Variants in PPP2R2C observed in about 807,000 individuals in gnomAD.
PPP2R2C encodes protein phosphatase 2 regulatory subunit Bgamma.
A neutral mutation model predicts 45.3 loss-of-function variants in PPP2R2C; 10 were observed. The observed-to-expected ratio is 0.22, with a 90% CI of 0.14 to 0.37. The LOEUF is 0.37. PPP2R2C is among the 10% of genes least tolerant of loss of function. The probability of loss-of-function intolerance (pLI) is 1.00; values close to 1 mark genes in which losing one functional copy is unlikely to be tolerated. For synonymous variants in PPP2R2C, 257 were observed against 245.4 expected, an observed-to-expected ratio of 1.05 and a Z score of -0.44; for missense variants, 308 against 619.7, an observed-to-expected ratio of 0.50 and a Z score of 5.34.
intron 1 of PPP2R2C, among the ~76,000 whole-genome samples, chr4:6,438,181 A>G (rs781643912): frequency 1.6e-4 from 25 of 152,244 alleles, no homozygotes; most frequent in Non-Finnish European, 3.1e-4. Context: ...TCACCATCGT[A>G]CAGTTACTAT....
At chr4:6,457,603 G>A (rs1577198030) in intron 1 of PPP2R2C, among the ~76,000 whole-genome samples, 2 of 151,948 alleles carry the variant, frequency 1.3e-5, no homozygotes, top group Admixed American at 6.6e-5. Flanking sequence ...CGAACTCCTG[G>A]GCTCAAGCGA....
chr4:6,531,861 G>A (rs1161591888), intron 2 of PPP2R2C, among the ~76,000 whole-genome samples: 2 of 152,176 alleles, frequency 1.3e-5, no homozygotes, highest in African/African-American at 2.4e-5. Context: ...CAGCAGAGCC[G>A]GTGGCCCAGG....
intron 1 of PPP2R2C, among the ~76,000 whole-genome samples, chr4:6,425,224 A>G (rs1719217926): frequency 6.6e-6 from 1 of 151,658 alleles, no homozygotes; most frequent in African/African-American, 2.4e-5. Context: ...TTCCCTATCC[A>G]CCTGTCGGCC....
At chr4:6,384,118 T>C in intron 1 of PPP2R2C, 1 of 985,110 alleles carries the variant, frequency 1.0e-6, no homozygotes, top group Non-Finnish European at 1.2e-6. Flanking sequence ...TGTCCTGACA[T>C]TGTCCCTCCG....
At chr4:6,366,083 A>C (rs1465504780) in intron 5 of PPP2R2C, among the ~76,000 whole-genome samples, 1 of 152,254 alleles carries the variant, frequency 6.6e-6, no homozygotes, top group Non-Finnish European at 1.5e-5. Flanking sequence ...GGATTTTATG[A>C]GAACCAATCT....
chr4:6,358,519 C>CAAA (rs74576376), intron 5 of PPP2R2C, among the ~76,000 whole-genome samples: 36 of 132,752 alleles, frequency 2.7e-4, no homozygotes, highest in Middle Eastern at 3.7e-3. Flanking sequence ...TTCTGCACAG[C>CAAA]AAAAAAAAAA....
Position 6,393,622 on chromosome 4 carries a change from C to T in PPP2R2C, c.71-12528G>A, listed in dbSNP as rs553506083. On this transcript the variant is annotated intron_variant, in intron 1 of 8. Coordinates refer to ENST00000382599, the MANE Select transcript of PPP2R2C (RefSeq NM_020416.4). The stretch of plus-strand genomic sequence containing the variant: ...CTGCTACTGCAGGAGCCAGACCCAG[C>T]GTGGAAGGCCACTGCCCCTCCCATG... Among the ~76,000 whole-genome samples, 20 of 152,308 alleles carry T rather than the reference C, an allele frequency of 1.3e-4. No individual in the cohort carries two copies. The East Asian group carries it at 2.9e-3, about 22-fold the overall frequency.
chr4:6,512,853 A>T (rs1723714045), intron 2 of PPP2R2C, among the ~76,000 whole-genome samples: 1 of 151,984 alleles, frequency 6.6e-6, no homozygotes, highest in Non-Finnish European at 1.5e-5. Context: ...TGTAGGTTTC[A>T]GTTCAATTCA....
intron 2 of PPP2R2C, among the ~76,000 whole-genome samples, chr4:6,511,314 G>T (rs1005947628): frequency 1.3e-4 from 20 of 152,138 alleles, no homozygotes; most frequent in Admixed American, 1.2e-3. Context: ...TGATGGTATT[G>T]ATGGTGGTGA....
intron 2 of PPP2R2C, among the ~76,000 whole-genome samples, chr4:6,484,992 C>T (rs1242237178): frequency 6.6e-6 from 1 of 151,732 alleles, no homozygotes; most frequent in East Asian, 1.9e-4. Context: ...TGCCTTCTCC[C>T]AGTCTTAGGG....
At chr4:6,512,524 G>GTGGTGA (rs1723673863) in intron 2 of PPP2R2C, among the ~76,000 whole-genome samples, 9 of 105,162 alleles carry the variant, frequency 8.6e-5, no homozygotes, top group African/African-American at 2.5e-4. Context: ...GGTGGTGGTG[G>GTGGTGA]TGGTGATGGT....
chr4:6,442,300 A>G (rs1475335057), intron 1 of PPP2R2C, among the ~76,000 whole-genome samples: 2 of 152,352 alleles, frequency 1.3e-5, no homozygotes, highest in South Asian at 2.1e-4. Context: ...GATTCTGCCC[A>G]GAGAGGGGCA....
chr4:6,377,196 G>A (rs898597667), intron 3 of PPP2R2C, among the ~76,000 whole-genome samples: 10 of 152,240 alleles, frequency 6.6e-5, no homozygotes, highest in Admixed American at 1.3e-4. Context: ...CGGGGAAGGC[G>A]TGGGGACAGC....
intron 2 of PPP2R2C, among the ~76,000 whole-genome samples, chr4:6,478,284 T>C (rs1385685327): frequency 6.6e-6 from 1 of 152,232 alleles, no homozygotes; most frequent in Admixed American, 6.5e-5. Flanking sequence ...GCTTCTCGCC[T>C]CCTTCTGTGC....
intron 6 of PPP2R2C, among the ~76,000 whole-genome samples, chr4:6,346,926 C>G (rs1243587264): frequency 1.3e-5 from 2 of 152,200 alleles, no homozygotes; most frequent in African/African-American, 4.8e-5. Context: ...GTGAGGGGAA[C>G]CAGATAAGCA....
At chr4:6,466,406 G>A (rs745314429) in intron 1 of PPP2R2C, among the ~76,000 whole-genome samples, 16 of 152,180 alleles carry the variant, frequency 1.1e-4, no homozygotes, top group Non-Finnish European at 2.1e-4. Context: ...CACACAGGTT[G>A]CATATCCATG....
At chr4:6,441,671 T>C (rs10937728) in intron 1 of PPP2R2C, among the ~76,000 whole-genome samples, 148,610 of 152,312 alleles carry the variant, frequency 0.98, 72,611 homozygotes, top group Middle Eastern at 1. Context: ...CCTCTGCTCC[T>C]CTCATGACTG....
chr4:6,453,726 T>A (rs574889610), intron 1 of PPP2R2C, among the ~76,000 whole-genome samples: 43 of 152,268 alleles, frequency 2.8e-4, no homozygotes, highest in Middle Eastern at 6.8e-3. Flanking sequence ...CCACACTGAA[T>A]TAGCCAAGCA....
chr4:6,551,000 A>C lies in PPP2R2C; in HGVS notation c.-59+12560T>G, dbSNP rs115533437. 7.0e-3 allele frequency among the ~76,000 whole-genome samples: 1,070 copies of C among 152,292 alleles called. 6 individuals are homozygous for C. Among genetic ancestry groups the C allele is most frequent in the African/African-American group, 0.024 (1,010 of 41,546 alleles). ...TAGAAAGAGAGTCCTCCTGGAGGTC[A>C]ATTGCCATACCTTCCTCGCCTCCGG... On this transcript the variant is annotated intron_variant, in intron 1 of 9. Coordinates refer to the PPP2R2C transcript ENST00000506140.
Sources: gnomAD v4.1 joint callset for allele counts (sites outside exome capture counted in the v4.1 genomes callset) on GRCh38, gnomAD v4.1.1 for gene constraint, MANE v1.5 for transcripts, NCBI Gene and HGNC (gene_info 2026-07-23, HGNC 2026-07-21) for gene names.